EBF1: variants seen among roughly 807,000 people sequenced by gnomAD.
The protein encoded by EBF1 is transcription factor COE1.
Under a neutral mutation model 68.4 loss-of-function variants are expected in EBF1, and 10 were observed. The observed-to-expected ratio is 0.15, with a 90% CI of 0.09 to 0.25. The LOEUF (loss-of-function observed/expected upper bound fraction) is 0.25. EBF1 is among the 10% of genes least tolerant of loss of function. The probability of loss-of-function intolerance (pLI) is 1.00; values close to 1 mark genes in which losing one functional copy is unlikely to be tolerated. For synonymous variants in EBF1, 298 were observed against 299.8 expected, an observed-to-expected ratio of 0.99 and a Z score of 0.06; for missense variants, 509 against 794.4, an observed-to-expected ratio of 0.64 and a Z score of 4.32.
chr5:158,970,568 T>C (rs1755440191), intron 6 of EBF1, among the ~76,000 whole-genome samples: 1 of 152,240 alleles, frequency 6.6e-6, no homozygotes, highest in African/African-American at 2.4e-5. Context: ...GAGGGTTGGC[T>C]TATAGAAAGC....
chr5:158,767,769 G>A (rs767635664), intron 10 of EBF1, among the ~76,000 whole-genome samples: 27 of 152,110 alleles, frequency 1.8e-4, no homozygotes, highest in Admixed American at 5.2e-4. Flanking sequence ...CCACTGAAGT[G>A]GGAAACCAGA....
At chr5:158,700,610 C>T (rs369330207) in intron 15 of EBF1, among the ~76,000 whole-genome samples, 24 of 151,864 alleles carry the variant, frequency 1.6e-4, no homozygotes, top group East Asian at 1.2e-3. Flanking sequence ...CACGTTCCTC[C>T]GGCTTCCCCA....
At chr5:159,062,886 T>C (rs1276957954) in intron 6 of EBF1, among the ~76,000 whole-genome samples, 1 of 152,258 alleles carries the variant, frequency 6.6e-6, no homozygotes, top group Non-Finnish European at 1.5e-5. Flanking sequence ...ACTTGATCAA[T>C]TAAACAGTTA....
At chr5:158,837,575 TAAAC>T (rs1404182745) in intron 7 of EBF1, among the ~76,000 whole-genome samples, 1 of 152,232 alleles carries the variant, frequency 6.6e-6, no homozygotes. Flanking sequence ...GCCTTTCTAC[TAAAC>T]AAAGAATAAC....
chr5:159,004,433 G>C (rs896758053), intron 6 of EBF1, among the ~76,000 whole-genome samples: 1 of 152,056 alleles, frequency 6.6e-6, no homozygotes, highest in Non-Finnish European at 1.5e-5. Flanking sequence ...CTATCTTAAG[G>C]TTCAACAGCT....
At chr5:159,018,437 G>T (rs1232147130) in intron 6 of EBF1, among the ~76,000 whole-genome samples, 2 of 152,312 alleles carry the variant, frequency 1.3e-5, no homozygotes, top group Non-Finnish European at 2.9e-5. Flanking sequence ...ATATACAAAG[G>T]TCTGATCACC....
intron 11 of EBF1, among the ~76,000 whole-genome samples, chr5:158,726,906 C>T (rs1763105403): frequency 6.6e-6 from 1 of 152,248 alleles, no homozygotes; most frequent in Non-Finnish European, 1.5e-5. Context: ...AACTTCTCAT[C>T]TGTAAAATGG....
intron 10 of EBF1, among the ~76,000 whole-genome samples, chr5:158,753,169 T>C (rs149553880): frequency 5.9e-5 from 9 of 152,188 alleles, no homozygotes; most frequent in Admixed American, 5.9e-4. Flanking sequence ...ATAATATAAT[T>C]GAGCTAGTCT....
chr5:159,065,019 T>C (rs1282340339), intron 6 of EBF1, among the ~76,000 whole-genome samples: 4 of 151,438 alleles, frequency 2.6e-5, no homozygotes, highest in Non-Finnish European at 5.9e-5. Flanking sequence ...AAATTAACTT[T>C]CCATTCTGTG....
chr5:159,083,058 G>A (rs932904104), intron 5 of EBF1, among the ~76,000 whole-genome samples: 1 of 152,314 alleles, frequency 6.6e-6, no homozygotes, highest in South Asian at 2.1e-4. Context: ...GTCTAAACAT[G>A]TGCAGATATG....
intron 6 of EBF1, chr5:158,985,903 G>A (rs559863704): frequency 1.3e-5 from 2 of 152,546 alleles, no homozygotes; most frequent in South Asian, 4.1e-4. Context: ...AGGACCCATG[G>A]AGGTCAGCAC....
intron 6 of EBF1, among the ~76,000 whole-genome samples, chr5:158,935,104 T>C (rs1811687321): frequency 6.6e-6 from 1 of 152,266 alleles, no homozygotes; most frequent in Non-Finnish European, 1.5e-5. Flanking sequence ...GTGTTTATTC[T>C]TGGGAAATGG....
intron 6 of EBF1, among the ~76,000 whole-genome samples, chr5:158,860,836 G>A (rs1379453453): frequency 3.9e-5 from 6 of 151,966 alleles, no homozygotes; most frequent in African/African-American, 7.3e-5. Flanking sequence ...CTCTGATATC[G>A]CCATCATGAC....
chr5:158,704,455 C>G (rs1288872307), intron 15 of EBF1, among the ~76,000 whole-genome samples: 1 of 152,052 alleles, frequency 6.6e-6, no homozygotes, highest in Non-Finnish European at 1.5e-5. Flanking sequence ...TTGACATGGG[C>G]AATTTGCTTA....
At chr5:158,776,954 A>T (rs1374595735) in intron 10 of EBF1, among the ~76,000 whole-genome samples, 1 of 152,210 alleles carries the variant, frequency 6.6e-6, no homozygotes, top group Non-Finnish European at 1.5e-5. Flanking sequence ...GAGGACAAAA[A>T]TGCAGCATAC....
chr5:158,922,971 G>A (rs1258941128), intron 6 of EBF1, among the ~76,000 whole-genome samples: 1 of 152,220 alleles, frequency 6.6e-6, no homozygotes, highest in African/African-American at 2.4e-5. Context: ...GAAGTAAGTG[G>A]CTAATTGCAG....
intron 15 of EBF1, among the ~76,000 whole-genome samples, chr5:158,703,792 G>T (rs1757268450): frequency 6.6e-6 from 1 of 152,058 alleles, no homozygotes; most frequent in Non-Finnish European, 1.5e-5. Flanking sequence ...AGTGCCCCTT[G>T]CCCCCATCTC....
At chr5:158,750,606 G>C (rs937253920) in intron 10 of EBF1, among the ~76,000 whole-genome samples, 1 of 151,806 alleles carries the variant, frequency 6.6e-6, no homozygotes, top group African/African-American at 2.4e-5. Context: ...CTCACTTTAC[G>C]GCTAGATATA....
At chr5:158,879,313 A>G (rs1798394847) in intron 6 of EBF1, among the ~76,000 whole-genome samples, 1 of 152,210 alleles carries the variant, frequency 6.6e-6, no homozygotes, top group Non-Finnish European at 1.5e-5. Flanking sequence ...CAGTGTTTGC[A>G]AGCACATACG....
Sources: allele counts gnomAD v4.1 joint callset (sites outside exome capture counted in the v4.1 genomes callset), GRCh38; gene constraint gnomAD v4.1.1; transcripts MANE v1.5; gene names NCBI Gene and HGNC (gene_info 2026-07-23, HGNC 2026-07-21).